Variants in NLK observed in about 807,000 individuals in gnomAD.
The protein encoded by NLK is nemo like kinase, also known as serine/threonine-protein kinase NLK.
In NLK, 11 loss-of-function variants were observed where a neutral mutation model predicts 59.0. The observed-to-expected ratio is 0.19, with a 90% CI of 0.12 to 0.31. The LOEUF (loss-of-function observed/expected upper bound fraction) is 0.31, where lower values mean the gene tolerates loss of function less well. NLK is among the 10% of genes least tolerant of loss of function. The probability of loss-of-function intolerance (pLI) is 1.00; values close to 1 mark genes in which losing one functional copy is unlikely to be tolerated. For missense variants in NLK, 410 were observed against 661.1 expected, an observed-to-expected ratio of 0.62 and a Z score of 4.16; for synonymous variants, 235 against 235.9, an observed-to-expected ratio of 1.00 and a Z score of 0.03.
Position 28,091,420 on chromosome 17 carries a change from G to A in NLK, c.459-31183G>A, listed in dbSNP as rs112056693. Among the ~76,000 whole-genome samples the A allele has an allele frequency of 8.7e-3, 1,314 of 151,586 alleles. 20 individuals carry two copies. The highest frequency in any genetic ancestry group is 0.03 in the African/African-American group (1,236 of 41,376). ...GTAAACACTTTTATCTGGGCAATGA[G>A]TACACAGCGTTTAATTTCTACATTT... is the stretch of plus-strand genomic sequence containing the variant. On this transcript the variant is annotated intron_variant, in intron 1 of 10. Coordinates refer to ENST00000407008, the MANE Select transcript of NLK (RefSeq NM_016231.5).
Position 28,183,297 on chromosome 17 carries a change from A to C in NLK, c.1150-1882A>C, listed in dbSNP as rs1908987705. Among the ~76,000 whole-genome samples, 3 of 152,312 alleles carry C rather than the reference A, an allele frequency of 2.0e-5. No individual in the cohort carries two copies. In the East Asian group the frequency reaches 5.8e-4, roughly 29 times the overall value. On this transcript the variant is annotated intron_variant, in intron 7 of 10. Transcript: ENST00000407008. Reference sequence around the variant, plus strand: ...CAAAGCATAGTGAAGGTCAGGGGTCATTACTCCTACAGTTAGGTTTTCTTT... The same window carrying C: ...CAAAGCATAGTGAAGGTCAGGGGTCCTTACTCCTACAGTTAGGTTTTCTTT...
intron 1 of NLK, among the ~76,000 whole-genome samples, chr17:28,077,811 A>G (rs1441250423): frequency 1.3e-5 from 2 of 152,310 alleles, no homozygotes; most frequent in South Asian, 2.1e-4. Context: ...AACTAACTAT[A>G]GATTTTCATG....
intron 1 of NLK, among the ~76,000 whole-genome samples, chr17:28,093,930 G>A (rs1056025432): frequency 5.9e-5 from 9 of 152,122 alleles, no homozygotes; most frequent in Non-Finnish European, 1.2e-4. Context: ...CTTAGGATAT[G>A]ATCTGCATTA....
At chr17:28,121,813 C>T (rs533388097) in intron 1 of NLK, among the ~76,000 whole-genome samples, 2 of 151,930 alleles carry the variant, frequency 1.3e-5, no homozygotes, top group Non-Finnish European at 2.9e-5. Context: ...ATTCTTTTAC[C>T]TATTTAGTTA....
At chr17:28,107,231 C>T (rs563421891) in intron 1 of NLK, among the ~76,000 whole-genome samples, 1 of 151,968 alleles carries the variant, frequency 6.6e-6, no homozygotes, top group Admixed American at 6.5e-5. Context: ...GTCAGGAGTT[C>T]AAGACCAGCC....
downstream of NLK, among the ~76,000 whole-genome samples, chr17:28,201,357 AC>A (rs1412466578): frequency 1.3e-5 from 2 of 149,652 alleles, no homozygotes; most frequent in African/African-American, 4.9e-5. Flanking sequence ...TGCTGGCATT[AC>A]AGGCATGAGC....
At chr17:28,099,786 G>T (rs901949087) in intron 1 of NLK, among the ~76,000 whole-genome samples, 25 of 150,752 alleles carry the variant, frequency 1.7e-4, no homozygotes, top group African/African-American at 6.1e-4. Context: ...CACCTTGTTA[G>T]CCAGGATGGT....
At chr17:28,157,366 T>C (rs1453060342) in intron 3 of NLK, among the ~76,000 whole-genome samples, 1 of 151,872 alleles carries the variant, frequency 6.6e-6, no homozygotes, top group African/African-American at 2.4e-5. Flanking sequence ...AATTTTTGTA[T>C]TTTTAGTAGA....
At position 28,043,080 on chromosome 17, in the gene NLK, T is replaced by C; in HGVS notation, c.207T>C (p.Ser69=). ...AAVHPVQQHT[S]SAAAAAAAAA... ...TACACCCTGTACAGCAGCACACCTCTTCGGCAGCTGCGGCAGCCGCAGCAG... is the reference window on the plus strand; with the variant it reads ...TACACCCTGTACAGCAGCACACCTCCTCGGCAGCTGCGGCAGCCGCAGCAG... Residue 69 remains serine (S), a synonymous_variant, in exon 1 of 11, where the codon TCT becomes TCC. Transcript: ENST00000407008. The C allele has an allele frequency of 6.4e-7, 1 of 1,572,046 alleles. No homozygotes were observed. Among genetic ancestry groups the C allele is most frequent in the South Asian group, 1.1e-5 (1 of 87,550 alleles).
rs538220827 is a variant in NLK at position 28,094,257 on chromosome 17, C to T, written c.459-28346C>T. Among the ~76,000 whole-genome samples, 101 of 152,246 alleles carry T rather than the reference C, an allele frequency of 6.6e-4. 3 individuals are homozygous for T. In the South Asian group the frequency reaches 0.021, roughly 31 times the overall value. On this transcript the variant is annotated intron_variant, in intron 1 of 10. Coordinates refer to ENST00000407008, the MANE Select transcript of NLK (RefSeq NM_016231.5). ...TCAGGTTTCTGAGCAAAAACAACCC[C>T]CAAAACAAAACCAAATTACCCACGT...
chr17:28,089,841 C>T (rs1904421494), intron 1 of NLK, among the ~76,000 whole-genome samples: 1 of 152,022 alleles, frequency 6.6e-6, no homozygotes, highest in African/African-American at 2.4e-5. Flanking sequence ...GTCTTCTTTG[C>T]TGAATTATCT....
intron 1 of NLK, among the ~76,000 whole-genome samples, chr17:28,111,884 GTGTGTGTGTGTGGT>G (rs1444256377): frequency 7.8e-6 from 1 of 127,668 alleles, no homozygotes. Flanking sequence ...GTGTGTGTGT[GTGTGTGTGTGTGGT>G]GTGTGTGTGT....
At chr17:28,134,767 G>C (rs1567723721) in intron 3 of NLK, among the ~76,000 whole-genome samples, 1 of 152,208 alleles carries the variant, frequency 6.6e-6, no homozygotes, top group African/African-American at 2.4e-5. Context: ...CTGGTTCCTG[G>C]CTGACAAGAA....
intron 1 of NLK, among the ~76,000 whole-genome samples, chr17:28,081,985 C>T (rs532283540): frequency 2.0e-5 from 3 of 152,192 alleles, no homozygotes; most frequent in African/African-American, 7.2e-5. Flanking sequence ...CCTCTACCTC[C>T]CAGGTTCAAG....
At chr17:28,096,262 A>G (rs770396797) in intron 1 of NLK, among the ~76,000 whole-genome samples, 3 of 152,166 alleles carry the variant, frequency 2.0e-5, no homozygotes, top group Non-Finnish European at 4.4e-5. Flanking sequence ...GACAAAATTC[A>G]TAAGTCCTTG....
intron 2 of NLK, among the ~76,000 whole-genome samples, chr17:28,124,423 G>A (rs1906205578): frequency 6.6e-6 from 1 of 152,008 alleles, no homozygotes; most frequent in Non-Finnish European, 1.5e-5. Flanking sequence ...AGCTATTTGG[G>A]AGGCTGAGGT....
intron 8 of NLK, among the ~76,000 whole-genome samples, chr17:28,190,166 T>G (rs1312258429): frequency 6.6e-6 from 1 of 152,238 alleles, no homozygotes; most frequent in African/African-American, 2.4e-5. Flanking sequence ...TGTGTACTAG[T>G]GAGTTCATCC....
chr17:28,199,129 C>G (rs561291516), downstream of NLK, among the ~76,000 whole-genome samples: 17 of 152,270 alleles, frequency 1.1e-4, 1 homozygote, highest in South Asian at 3.5e-3. Flanking sequence ...TAGAATGAGC[C>G]TGAATCTACA....
chr17:28,171,161 T>TG (rs1908447997), intron 6 of NLK: 1 of 152,222 alleles, frequency 6.6e-6, no homozygotes, highest in Non-Finnish European at 1.5e-5. Flanking sequence ...AAGTATCACC[T>TG]ACACACTTTT....
Sources: gnomAD v4.1 joint callset for allele counts (sites outside exome capture counted in the v4.1 genomes callset) on GRCh38, gnomAD v4.1.1 for gene constraint, MANE v1.5 for transcripts, NCBI Gene and HGNC (gene_info 2026-07-23, HGNC 2026-07-21) for gene names.